GALNT17: variants seen among roughly 807,000 people sequenced by gnomAD.
GALNT17 encodes polypeptide N-acetylgalactosaminyltransferase 17.
In GALNT17, 29 loss-of-function variants were observed where a neutral mutation model predicts 63.7. The ratio of observed to expected loss-of-function variants is 0.46; its 90% CI spans 0.34 to 0.62. GALNT17 has a LOEUF of 0.62. Among genes scored for constraint, GALNT17 ranks in the 20% least tolerant of loss-of-function variants. The pLI is 0.01. For missense variants in GALNT17, 603 were observed against 799.6 expected (o/e 0.75, Z 2.97); for synonymous variants, 305 against 318.3 (o/e 0.96, Z 0.45).
chr7:71,710,319 C>T (rs1027635367), intron 9 of GALNT17, among the ~76,000 whole-genome samples: 1 of 152,100 alleles, frequency 6.6e-6, no homozygotes, highest in Admixed American at 6.5e-5. Flanking sequence ...ACCAGCCTGA[C>T]CAACATGATG....
chr7:71,687,124 CTG>C (rs1791371512), intron 9 of GALNT17, among the ~76,000 whole-genome samples: 1 of 152,208 alleles, frequency 6.6e-6, no homozygotes, highest in South Asian at 2.1e-4. Flanking sequence ...GACGTCTCCT[CTG>C]TGTGTCCTCC....
intron 5 of GALNT17, among the ~76,000 whole-genome samples, chr7:71,557,036 A>G (rs1226609008): frequency 6.7e-6 from 1 of 149,092 alleles, no homozygotes; most frequent in Non-Finnish European, 1.5e-5. Flanking sequence ...ACAGGTGCAC[A>G]CCACCAAACC....
At chr7:71,669,601 AC>A (rs1791037300) in intron 7 of GALNT17, among the ~76,000 whole-genome samples, 1 of 139,252 alleles carries the variant, frequency 7.2e-6, no homozygotes, top group Non-Finnish European at 1.5e-5. Context: ...TCGCACTGTC[AC>A]CTGGGCTAGA....
At chr7:71,705,147 G>A (rs777816417) in intron 9 of GALNT17, among the ~76,000 whole-genome samples, 1 of 152,124 alleles carries the variant, frequency 6.6e-6, no homozygotes, top group Admixed American at 6.6e-5. Context: ...AATATGTAAA[G>A]AACTCTTAAA....
rs975958543 is a variant in GALNT17 at position 71,308,257 on chromosome 7, G to T, written c.239-27293G>T. 2.0e-5 allele frequency among the ~76,000 whole-genome samples: 3 copies of T among 152,134 alleles called. No individual in the cohort carries two copies. The East Asian group carries it at 5.8e-4, about 29-fold the overall frequency. On this transcript the variant is annotated intron_variant, in intron 1 of 10. Coordinates refer to ENST00000333538, the MANE Select transcript of GALNT17 (RefSeq NM_022479.3). ...AGAAAGAAGCATTGGATTGCAGCTC[G>T]GTGGGAGCAGATCCTGGCTGCCAGT...
intron 6 of GALNT17, among the ~76,000 whole-genome samples, chr7:71,611,290 TG>T (rs1382558254): frequency 3.3e-5 from 5 of 152,146 alleles, no homozygotes; most frequent in Non-Finnish European, 7.3e-5. Flanking sequence ...ATCTGTCCTC[TG>T]GGGTGGGCAC....
chr7:71,658,658 CA>C (rs1790864083), intron 6 of GALNT17, among the ~76,000 whole-genome samples: 1 of 152,132 alleles, frequency 6.6e-6, no homozygotes. Context: ...GAGGCTGAGG[CA>C]GGTGGATCAC....
intron 1 of GALNT17, among the ~76,000 whole-genome samples, chr7:71,190,420 A>T (rs986698378): frequency 3.3e-5 from 5 of 152,046 alleles, no homozygotes; most frequent in African/African-American, 1.2e-4. Flanking sequence ...TGCTTTTGCC[A>T]TGTGAAGTGC....
At chr7:71,514,469 G>A (rs1025135287) in intron 5 of GALNT17, among the ~76,000 whole-genome samples, 1 of 152,042 alleles carries the variant, frequency 6.6e-6, no homozygotes, top group African/African-American at 2.4e-5. Context: ...TTGAGATGTA[G>A]GCACTGAGTC....
At chr7:71,191,498 A>C (rs1218375468) in intron 1 of GALNT17, among the ~76,000 whole-genome samples, 2 of 152,226 alleles carry the variant, frequency 1.3e-5, no homozygotes, top group African/African-American at 4.8e-5. Context: ...TGTAGACAAT[A>C]TGTAAATAAC....
chr7:71,602,104 C>T (rs1789974880), intron 6 of GALNT17, among the ~76,000 whole-genome samples: 1 of 152,212 alleles, frequency 6.6e-6, no homozygotes, highest in Admixed American at 6.5e-5. Flanking sequence ...CGGGGCCTGT[C>T]TTAACTGACT....
intron 5 of GALNT17, among the ~76,000 whole-genome samples, chr7:71,530,664 T>C (rs1584029112): frequency 6.6e-6 from 1 of 152,040 alleles, no homozygotes; most frequent in African/African-American, 2.4e-5. Context: ...GCCTCCTGGG[T>C]TCACACCATT....
At chr7:71,233,708 C>T (rs1245211562) in intron 1 of GALNT17, among the ~76,000 whole-genome samples, 8 of 149,778 alleles carry the variant, frequency 5.3e-5, no homozygotes, top group Admixed American at 5.3e-4. Flanking sequence ...CTTTGGGGCT[C>T]TCATTCTCTG....
intron 6 of GALNT17, among the ~76,000 whole-genome samples, chr7:71,620,862 T>C (rs1006614037): frequency 1.3e-5 from 2 of 152,212 alleles, no homozygotes; most frequent in African/African-American, 4.8e-5. Flanking sequence ...AAGCATTTTT[T>C]CCCTTTGGAT....
intron 6 of GALNT17, among the ~76,000 whole-genome samples, chr7:71,601,013 T>C (rs1014813094): frequency 2.0e-5 from 3 of 152,094 alleles, no homozygotes; most frequent in Admixed American, 2.0e-4. Context: ...CATACAATGT[T>C]TGGTTTTCCG....
intron 5 of GALNT17, among the ~76,000 whole-genome samples, chr7:71,563,673 G>T (rs1789292753): frequency 6.6e-6 from 1 of 151,976 alleles, no homozygotes; most frequent in Admixed American, 6.6e-5. Flanking sequence ...CAACCTCCCA[G>T]GTTCAAATGA....
intron 3 of GALNT17, 45 bp from the exon 4 acceptor site, chr7:71,415,844 G>A: frequency 2.0e-6 from 3 of 1,508,108 alleles, no homozygotes; most frequent in Non-Finnish European, 2.7e-6. Flanking sequence ...ATGCAAATTT[G>A]AAATGACATG....
chr7:71,676,147 C>T (rs761025353), intron 8 of GALNT17, among the ~76,000 whole-genome samples: 22 of 152,054 alleles, frequency 1.4e-4, no homozygotes, highest in Admixed American at 2.0e-4. Flanking sequence ...GATGGATACC[C>T]ATATAGATCA....
chr7:71,484,962 CTTTTTTTTTTTT>C (rs779772231), intron 5 of GALNT17, among the ~76,000 whole-genome samples: 1 of 47,558 alleles, frequency 2.1e-5, no homozygotes, highest in East Asian at 7.8e-4. Flanking sequence ...CCACACCTGG[CTTTTTTTTTTTT>C]TTTTTTTTTT....
Sources: gnomAD v4.1 joint callset for allele counts (sites outside exome capture counted in the v4.1 genomes callset) on GRCh38, gnomAD v4.1.1 for gene constraint, MANE v1.5 for transcripts, NCBI Gene and HGNC (gene_info 2026-07-23, HGNC 2026-07-21) for gene names.